Variants in WASF2 observed in about 807,000 individuals in gnomAD.
WASF2 encodes actin-binding protein WASF2.
Under a neutral mutation model 45.0 loss-of-function variants are expected in WASF2, and 14 were observed. The observed-to-expected ratio is 0.31, with a 90% CI of 0.21 to 0.49. The LOEUF is 0.49. Ranked by LOEUF, WASF2 falls within the 20% of genes least tolerant of loss-of-function variation. The probability of loss-of-function intolerance (pLI) is 0.99; values close to 1 mark genes in which losing one functional copy is unlikely to be tolerated. For synonymous variants in WASF2, 200 were observed against 236.3 expected, an observed-to-expected ratio of 0.85 and a Z score of 1.41; for missense variants, 439 against 636.1, an observed-to-expected ratio of 0.69 and a Z score of 3.33.
chr1:27,436,319 G>A (rs1042608057), intron 1 of WASF2, among the ~76,000 whole-genome samples: 2 of 151,990 alleles, frequency 1.3e-5, no homozygotes, highest in African/African-American at 2.4e-5. Flanking sequence ...AGTGGCATGC[G>A]GCTGTAGTCC....
chr1:27,428,978 A>G, intron 1 of WASF2, 45 bp from the exon 2 acceptor site: 1 of 1,440,024 alleles, frequency 6.9e-7, no homozygotes, highest in Non-Finnish European at 9.6e-7. Flanking sequence ...CACAAATTCC[A>G]GGCACACTAG....
intron 1 of WASF2, among the ~76,000 whole-genome samples, chr1:27,489,449 TACGTAC>T (rs1432919173): frequency 1.7e-5 from 1 of 60,334 alleles, no homozygotes; most frequent in Non-Finnish European, 2.8e-5. Context: ...TACTTCATGG[TACGTAC>T]ACACACACAC....
chr1:27,407,256 C>G lies in WASF2; in HGVS notation c.*933G>C, dbSNP rs948278674. 2 of 152,736 alleles carry G rather than the reference C, an allele frequency of 1.3e-5. No individual in the cohort carries two copies. Among genetic ancestry groups the G allele is most frequent in the East Asian group, 3.8e-4 (2 of 5,196 alleles). The allele number at this position is 152,736 out of a possible 1,614,324, so 9.5% of individuals were successfully genotyped here. A position where few individuals can be genotyped will look rare whatever the true frequency, so the allele number is the denominator to read the frequency against. ...GGAACTCTGCGCTCTAGCTATGTCACTATCCAATTGTGTGACCTTGAGCAA... is the reference window on the plus strand; with the variant it reads ...GGAACTCTGCGCTCTAGCTATGTCAGTATCCAATTGTGTGACCTTGAGCAA... On this transcript the variant is annotated 3_prime_UTR_variant, in exon 9 of 9. Coordinates refer to ENST00000618852, the MANE Select transcript of WASF2 (RefSeq NM_006990.5).
chr1:27,456,336 AAAC>A lies in WASF2; in HGVS notation c.-43-27406_-43-27404del, dbSNP rs1437207999. 6.5e-4 allele frequency among the ~76,000 whole-genome samples: 81 copies of A among 124,848 alleles called. No homozygotes were observed. The East Asian group carries it at 7.7e-3, about 12-fold the overall frequency. The allele number at this position is 124,848 out of a possible 152,430, so 81.9% of individuals were successfully genotyped here. ...GACTCTAAAAAAAAAAAAAAAAAAA[AAAC>A]AACAATGGAAAGGTTCTTTCTGACT... On this transcript the variant is annotated intron_variant, in intron 1 of 8. Transcript: ENST00000618852.
intron 1 of WASF2, among the ~76,000 whole-genome samples, chr1:27,484,841 A>C (rs2017902011): frequency 6.6e-6 from 1 of 151,058 alleles, no homozygotes; most frequent in South Asian, 2.1e-4. Flanking sequence ...TAAAGGAAAA[A>C]AATCAGCTTT....
intron 1 of WASF2, among the ~76,000 whole-genome samples, chr1:27,475,340 C>G (rs1320964957): frequency 1.3e-5 from 2 of 152,144 alleles, no homozygotes; most frequent in Non-Finnish European, 2.9e-5. Context: ...TATTTTGTTA[C>G]CACCGTTCAC....
At chr1:27,423,110 C>A (rs2016930849) in intron 2 of WASF2, among the ~76,000 whole-genome samples, 1 of 144,386 alleles carries the variant, frequency 6.9e-6, no homozygotes, top group Non-Finnish European at 1.5e-5. Flanking sequence ...CACTTCACTT[C>A]AGCCTGGGCA....
intron 1 of WASF2, among the ~76,000 whole-genome samples, chr1:27,435,528 C>A (rs1368218447): frequency 6.7e-6 from 1 of 150,208 alleles, no homozygotes; most frequent in Non-Finnish European, 1.5e-5. Flanking sequence ...GTTGAGGCTG[C>A]AGTGTGTATG....
chr1:27,423,197 AT>A (rs796167070), intron 2 of WASF2, among the ~76,000 whole-genome samples: 86 of 146,966 alleles, frequency 5.9e-4, no homozygotes, highest in Non-Finnish European at 5.7e-4. Flanking sequence ...TGATTTTCAA[AT>A]TTTTTTTTTT....
chr1:27,482,777 G>C (rs375195833), intron 1 of WASF2, among the ~76,000 whole-genome samples: 15 of 152,268 alleles, frequency 9.9e-5, no homozygotes, highest in African/African-American at 3.4e-4. Flanking sequence ...TAACCAGAAA[G>C]AAGGAGAAAA....
intron 1 of WASF2, among the ~76,000 whole-genome samples, chr1:27,454,187 ATTTTT>A (rs869057863): frequency 7.0e-4 from 9 of 12,774 alleles, no homozygotes; most frequent in Admixed American, 9.3e-4. Flanking sequence ...ATATATATAT[ATTTTT>A]TTTTTTTTTT....
At chr1:27,487,510 G>A (rs1208604380) in intron 1 of WASF2, among the ~76,000 whole-genome samples, 3 of 84,016 alleles carry the variant, frequency 3.6e-5, no homozygotes, top group African/African-American at 1.1e-4. Context: ...TATAATATAT[G>A]TTATATTATA....
intron 2 of WASF2, among the ~76,000 whole-genome samples, chr1:27,424,224 C>T (rs1014966362): frequency 6.6e-6 from 1 of 152,144 alleles, no homozygotes; most frequent in Non-Finnish European, 1.5e-5. Flanking sequence ...GCCTGAAGCA[C>T]ATATGAACCC....
At chr1:27,480,409 C>T (rs1046636695) in intron 1 of WASF2, among the ~76,000 whole-genome samples, 2 of 151,504 alleles carry the variant, frequency 1.3e-5, no homozygotes, top group South Asian at 2.1e-4. Flanking sequence ...CCCAGCTACT[C>T]GAGAGGCTAA....
At chr1:27,422,240 T>C (rs1030565366) in intron 2 of WASF2, among the ~76,000 whole-genome samples, 4 of 152,050 alleles carry the variant, frequency 2.6e-5, no homozygotes, top group Non-Finnish European at 5.9e-5. Flanking sequence ...TGAGGTGGTG[T>C]GAAGGCTTCC....
At chr1:27,471,024 G>A (rs1024463772) in intron 1 of WASF2, among the ~76,000 whole-genome samples, 15 of 152,284 alleles carry the variant, frequency 9.9e-5, no homozygotes, top group Admixed American at 3.9e-4. Context: ...GGCAGTTACT[G>A]CATGAAGGTT....
chr1:27,478,204 C>A (rs2017796367), intron 1 of WASF2, among the ~76,000 whole-genome samples: 1 of 146,660 alleles, frequency 6.8e-6, no homozygotes. Context: ...AGGGAAGACT[C>A]TACCTCCAAA....
rs182823763 is a variant in WASF2 at position 27,473,307 on chromosome 1, C to T, written c.-44+16679G>A. 7.4e-3 allele frequency among the ~76,000 whole-genome samples: 1,120 copies of T among 151,418 alleles called. 9 individuals are homozygous for T. Among genetic ancestry groups the T allele is most frequent in the South Asian group, 0.018 (87 of 4,792 alleles). ...CATCCTGGCTAACATGGTGAAACCC[C>T]GTCTCTACTAAAAATACAAAAAATT... On this transcript the variant is annotated intron_variant, in intron 1 of 8. Coordinates refer to ENST00000618852, the MANE Select transcript of WASF2 (RefSeq NM_006990.5).
chr1:27,471,126 C>T (rs866381727), intron 1 of WASF2, among the ~76,000 whole-genome samples: 114 of 152,096 alleles, frequency 7.5e-4, no homozygotes, highest in African/African-American at 2.6e-3. Flanking sequence ...GGGCGGATCA[C>T]GAGGTCAGGA....
Sources: allele counts gnomAD v4.1 joint callset (sites outside exome capture counted in the v4.1 genomes callset), GRCh38; gene constraint gnomAD v4.1.1; transcripts MANE v1.5; gene names NCBI Gene and HGNC (gene_info 2026-07-23, HGNC 2026-07-21).